CSTF2: variants seen among roughly 807,000 people sequenced by gnomAD.
CSTF2 encodes cleavage stimulation factor subunit 2.
Under a neutral mutation model 45.4 loss-of-function variants are expected in CSTF2, and 8 were observed. The ratio of observed to expected loss-of-function variants is 0.18; its 90% CI spans 0.10 to 0.32. The LOEUF (loss-of-function observed/expected upper bound fraction) is 0.32. Ranked by LOEUF, CSTF2 falls within the 10% of genes least tolerant of loss-of-function variation. CSTF2 has a pLI of 1.00. For synonymous variants in CSTF2, 155 were observed against 158.9 expected, an observed-to-expected ratio of 0.98 and a Z score of 0.18; for missense variants, 253 against 477.1, an observed-to-expected ratio of 0.53 and a Z score of 4.38.
chrX:100,822,164 C>A, intron 2 of CSTF2, 87 bp from the exon 3 acceptor site: 1 of 691,418 alleles, frequency 1.4e-6, no homozygotes, highest in East Asian at 3.3e-5. Context: ...ATTTATGTTA[C>A]AGTGGGCCCA....
Position 100,838,228 on chromosome X carries a change from C to A in CSTF2, c.1612-11C>A. The A allele has an allele frequency of 9.0e-7, 1 of 1,112,389 alleles. No homozygotes were observed. The highest frequency in any genetic ancestry group is 1.9e-5 in the African/African-American group (1 of 51,926). 91.7% of individuals were successfully genotyped at this position (1,112,389 alleles called of 1,213,427 possible). Reference sequence around the variant, plus strand: ...TTAAAACTCACTACCTTTTTTTTTTCCTCTGCACAGGCTGCTTTGATTATG... The same window carrying A: ...TTAAAACTCACTACCTTTTTTTTTTACTCTGCACAGGCTGCTTTGATTATG... On this transcript the variant is annotated splice_polypyrimidine_tract_variant and intron_variant, in intron 12 of 13. Transcript: ENST00000372972.
Position 100,837,392 on chromosome X carries a change from C to T in CSTF2, c.1554C>T (p.Ser518=). The T allele has an allele frequency of 8.3e-7, 1 of 1,210,630 alleles. No individual in the cohort carries two copies. Among genetic ancestry groups the T allele is most frequent in the Non-Finnish European group, 1.1e-6 (1 of 894,734 alleles). ...AAGGAGCAAGTATACAGGGTGGAAG[C>T]CAGCCTGGCGGCTTTAGTCCCGGGC... ...GMQGASIQGG[S]QPGGFSPGQN... The change falls in exon 12 of 14, where the codon AGC becomes AGT. Residue 518 remains serine, a synonymous_variant. Transcript: ENST00000372972.
chrX:100,835,111 G>A (rs2085000067), intron 11 of CSTF2, among the ~76,000 whole-genome samples: 1 of 110,409 alleles, frequency 9.1e-6, no homozygotes, highest in African/African-American at 3.3e-5. Flanking sequence ...TATGTATTAA[G>A]AACTTCAAGC....
chrX:100,837,002 T>G (rs1259926734), intron 11 of CSTF2, among the ~76,000 whole-genome samples: 1 of 112,151 alleles, frequency 8.9e-6, no homozygotes, highest in Non-Finnish European at 1.9e-5. Flanking sequence ...GGCTTTCATT[T>G]GTATTTCCAG....
chrX:100,820,492 T>C lies in CSTF2; in HGVS notation c.58+18T>C. On this transcript the variant is annotated intron_variant, in intron 1 of 13. Coordinates refer to ENST00000372972, the MANE Select transcript of CSTF2 (RefSeq NM_001325.3). ...TGTGTTCGGTGAGAGGAATTCGTTG[T>C]AGTCAAGCTTCGGGGAGGGACTCCC... The C allele has an allele frequency of 1.3e-5, 16 of 1,205,045 alleles. No homozygotes were observed. Among genetic ancestry groups the C allele is most frequent in the Non-Finnish European group, 1.8e-5 (16 of 888,870 alleles).
chrX:100,832,680 A>G (rs1264381891), intron 9 of CSTF2, 54 bp from the exon 10 acceptor site: 3 of 1,082,632 alleles, frequency 2.8e-6, no homozygotes, highest in Non-Finnish European at 3.7e-6. Flanking sequence ...TCTGGTTGGT[A>G]CTTTGTTGTT....
intron 13 of CSTF2, among the ~76,000 whole-genome samples, chrX:100,839,195 G>C (rs1368785971): frequency 1.9e-5 from 2 of 105,553 alleles, no homozygotes; most frequent in African/African-American, 3.5e-5. Context: ...GCTGCAGTAA[G>C]CCATGATTAT....
At chrX:100,837,014 G>A (rs1049185894) in intron 11 of CSTF2, among the ~76,000 whole-genome samples, 2 of 111,913 alleles carry the variant, frequency 1.8e-5, no homozygotes, top group Non-Finnish European at 3.8e-5. Context: ...TATTTCCAGT[G>A]AGCACTAGTT....
At chrX:100,820,618 A>G in intron 1 of CSTF2, 144 bp downstream of exon 1, 1 of 602,785 alleles carries the variant, frequency 1.7e-6, no homozygotes, top group South Asian at 2.4e-5. Flanking sequence ...TGGTGGACTC[A>G]TGAGCAAAGA....
intron 8 of CSTF2, 115 bp from the exon 9 acceptor site, chrX:100,831,400 T>G: frequency 4.7e-6 from 4 of 847,312 alleles, no homozygotes; most frequent in Non-Finnish European, 7.0e-6. Flanking sequence ...TCTGCTGTGG[T>G]GAGGTTTCAC....
chrX:100,826,311 T>C (rs947143856), intron 6 of CSTF2, among the ~76,000 whole-genome samples: 2 of 104,915 alleles, frequency 1.9e-5, no homozygotes, highest in Non-Finnish European at 3.9e-5. Context: ...TTTTTTTTTT[T>C]ACTCTTATTG....
In CSTF2 at chrX:100,821,505, T is replaced by C. The variant is rs768924684; in HGVS notation, c.59-22T>C. ...CTATGTTATAAACTCAGAATTTTAA[T>C]GTTACCTATTTTCTTCCTTAGTGGG... On this transcript the variant is annotated intron_variant, in intron 1 of 13. Coordinates refer to ENST00000372972, the MANE Select transcript of CSTF2 (RefSeq NM_001325.3). 17 of 1,079,523 alleles carry C rather than the reference T, an allele frequency of 1.6e-5. No homozygotes were observed. The South Asian group carries it at 2.6e-4, about 17-fold the overall frequency. The allele number at this position is 1,079,523 out of a possible 1,213,427, so 89.0% of individuals were successfully genotyped here.
intron 7 of CSTF2, 42 bp downstream of exon 7, chrX:100,826,799 GT>G (rs777612201): frequency 3.4e-6 from 4 of 1,180,157 alleles, no homozygotes; most frequent in Admixed American, 4.6e-5. Context: ...ACTTGCTAAA[GT>G]TTTGTCATAG....
At position 100,820,553 on chromosome X, in the gene CSTF2, C is replaced by G. The variant is rs752815427; in HGVS notation, c.58+79C>G. The stretch of plus-strand genomic sequence containing the variant: ...TCTATCTCATGAATCGCTACCGGAG[C>G]CGCTGACGGTTCGGACGTGCAGTTC... On this transcript the variant is annotated intron_variant, in intron 1 of 13. Coordinates refer to ENST00000372972, the MANE Select transcript of CSTF2 (RefSeq NM_001325.3). The G allele has an allele frequency of 1.1e-5, 11 of 1,040,650 alleles. No homozygotes were observed. In the South Asian group the frequency reaches 1.9e-4, roughly 18 times the overall value. 85.8% of individuals were successfully genotyped at this position (1,040,650 alleles called of 1,213,427 possible). A position where few individuals can be genotyped will look rare whatever the true frequency, so the allele number is the denominator to read the frequency against.
chrX:100,841,262 T>C lies in CSTF2; in HGVS notation c.*552T>C, dbSNP rs2085037632. Among the ~76,000 whole-genome samples the C allele has an allele frequency of 8.9e-6, 1 of 112,633 alleles. No homozygotes were observed. The highest frequency in any genetic ancestry group is 1.9e-5 in the Non-Finnish European group (1 of 53,360). On this transcript the variant is annotated 3_prime_UTR_variant, in exon 14 of 14. Transcript: ENST00000372972. Reference sequence around the variant, plus strand: ...CAGAAGGCTAACAGAGCAAAGAGCCTAGCACAGCTGTGTGTTTAGTTTAGA... The same window carrying C: ...CAGAAGGCTAACAGAGCAAAGAGCCCAGCACAGCTGTGTGTTTAGTTTAGA...
chrX:100,837,292 A>G lies in CSTF2; in HGVS notation c.1501-47A>G, dbSNP rs777907535. On this transcript the variant is annotated intron_variant, in intron 11 of 13. Transcript: ENST00000372972. ...CATTATTACTGAATTCAGGTTACCT[A>G]TACATTAAAAATGCCAAAAATCTCT... 15 of 928,540 alleles carry G rather than the reference A, an allele frequency of 1.6e-5. No individual in the cohort carries two copies. In the South Asian group the frequency reaches 2.7e-4, roughly 17 times the overall value. 76.5% of individuals were successfully genotyped at this position (928,540 alleles called of 1,213,427 possible).
intron 9 of CSTF2, 99 bp downstream of exon 9, chrX:100,831,755 C>T (rs753519543): frequency 3.9e-4 from 356 of 916,863 alleles, no homozygotes; most frequent in Non-Finnish European, 5.3e-4. Flanking sequence ...TGTTTGCCTA[C>T]TTCAAAAGGT....
Position 100,841,034 on chromosome X carries a change from T to C in CSTF2, c.*324T>C, listed in dbSNP as rs1190168600. 4 of 112,684 alleles carry C rather than the reference T, an allele frequency of 3.5e-5. No individual in the cohort carries two copies. The highest frequency in any genetic ancestry group is 1.3e-4 in the African/African-American group (4 of 31,048). 9.3% of individuals were successfully genotyped at this position (112,684 alleles called of 1,213,427 possible). On this transcript the variant is annotated 3_prime_UTR_variant, in exon 14 of 14. Coordinates refer to ENST00000372972, the MANE Select transcript of CSTF2 (RefSeq NM_001325.3). ...TACTGCAGTATTGTACTTTAACATA[T>C]TGCCATAGTTTTGTTTTTAAGTTAA... is the stretch of plus-strand genomic sequence containing the variant.
chrX:100,821,297 A>T (rs2084916549), intron 1 of CSTF2, among the ~76,000 whole-genome samples: 3 of 112,407 alleles, frequency 2.7e-5, no homozygotes, highest in Admixed American at 9.4e-5. Flanking sequence ...AGTTAAGGAA[A>T]ATCTAACACG....
Sources: allele counts gnomAD v4.1 joint callset (sites outside exome capture counted in the v4.1 genomes callset), GRCh38; gene constraint gnomAD v4.1.1; transcripts MANE v1.5; gene names NCBI Gene and HGNC (gene_info 2026-07-23, HGNC 2026-07-21).